SNRNP200: variants seen among roughly 807,000 people sequenced by gnomAD.
The protein encoded by SNRNP200 is U5 small nuclear ribonucleoprotein 200 kDa helicase.
In SNRNP200, 66 loss-of-function variants were observed where a neutral mutation model predicts 255.2. The observed-to-expected ratio is 0.26, with a 90% CI of 0.21 to 0.32. SNRNP200 has a LOEUF of 0.32. Among genes scored for constraint, SNRNP200 ranks in the 10% least tolerant of loss-of-function variants. The pLI is 1.00. For missense variants in SNRNP200, 1,585 were observed against 2,749.8 expected, an observed-to-expected ratio of 0.58 and a Z score of 9.47; for synonymous variants, 939 against 1,027.8, an observed-to-expected ratio of 0.91 and a Z score of 1.65.
At position 96,298,519 on chromosome 2, in the gene SNRNP200, T is replaced by C; in HGVS notation, c.982+84A>G. The C allele has an allele frequency of 6.8e-6, 11 of 1,609,478 alleles. No homozygotes were observed. The South Asian group carries it at 1.2e-4, about 18-fold the overall frequency. On this transcript the variant is annotated intron_variant, in intron 8 of 44. Coordinates refer to ENST00000323853, the MANE Select transcript of SNRNP200 (RefSeq NM_014014.5). ...AAGAAAAATAAAAGAAACAAGCACTTAGGCTGTGAAAACAACAGAATCTCT... is the reference window on the plus strand; with the variant it reads ...AAGAAAAATAAAAGAAACAAGCACTCAGGCTGTGAAAACAACAGAATCTCT...
In SNRNP200 at chr2:96,286,252, G is replaced by C; in HGVS notation, c.4003+59C>G. 6.4e-7 allele frequency: 1 copy of C among 1,568,490 alleles called. No individual in the cohort carries two copies. The highest frequency in any genetic ancestry group is 1.1e-5 in the South Asian group (1 of 89,574). ...CACCCCCACTCCCCTGCCTGCCACA[G>C]AGCACATCTGTCTCCCGGTGACTTC... On this transcript the variant is annotated intron_variant, in intron 29 of 44. Transcript: ENST00000323853. This position sits in a 1 kb window ranked among gnomAD's most constrained non-coding sequence, Gnocchi z 4.8.
At chr2:96,304,430 A>G (rs576107268) in intron 2 of SNRNP200, among the ~76,000 whole-genome samples, 215 of 152,354 alleles carry the variant, frequency 1.4e-3, no homozygotes, top group Non-Finnish European at 2.3e-3. Flanking sequence ...ACATAGGAAT[A>G]GCAAGGGTCT....
Position 96,297,486 on chromosome 2 carries a change from T to C in SNRNP200, c.1254A>G (p.Gln418=), listed in dbSNP as rs1375316664. The C allele has an allele frequency of 1.1e-5, 18 of 1,614,070 alleles. No homozygotes were observed. Among genetic ancestry groups the C allele is most frequent in the Middle Eastern group, 1.6e-4 (1 of 6,062 alleles). Residue 418 remains glutamine (Q), a synonymous_variant, in exon 11 of 45, where the codon CAA becomes CAG. Coordinates refer to ENST00000323853, the MANE Select transcript of SNRNP200 (RefSeq NM_014014.5). ...GTTTATTGGCCATAAAGTGGCTCCC[T>C]TGGGTAAAAACCAGGTCCTCCAAGT... is the stretch of plus-strand genomic sequence containing the variant. ...VLDLEDLVFT[Q]GSHFMANKRC...
rs1467611534 is a variant in SNRNP200 at position 96,274,571 on chromosome 2, TCA to T, written c.*439_*440del. On this transcript the variant is annotated 3_prime_UTR_variant, in exon 45 of 45. Coordinates refer to ENST00000323853, the MANE Select transcript of SNRNP200 (RefSeq NM_014014.5). ...CGCATGTACCCTCCTCTGGGCTGAC[TCA>T]CGAGGCTACAGGGGACAGCACACCT... 2 of 288,294 alleles carry T rather than the reference TCA, an allele frequency of 6.9e-6. No individual in the cohort carries two copies. Among genetic ancestry groups the T allele is most frequent in the African/African-American group, 4.4e-5 (2 of 45,390 alleles). 17.9% of individuals were successfully genotyped at this position (288,294 alleles called of 1,614,324 possible).
rs767497060 is a variant in SNRNP200 at position 96,297,379 on chromosome 2, G to A, written c.1361C>T (p.Pro454Leu). 7 of 1,613,678 alleles carry A rather than the reference G, an allele frequency of 4.3e-6. No individual in the cohort carries two copies. In the Admixed American group the frequency reaches 1.0e-4, roughly 23 times the overall value. Residue 454 changes from proline to leucine, a missense_variant, in exon 11 of 45, where the codon CCC becomes CTC. Coordinates refer to ENST00000323853, the MANE Select transcript of SNRNP200 (RefSeq NM_014014.5). ...TTCACTTACTTCTTCTGAGCCAAAG[G>A]GCTTGGGCTTCAGAGCAGGCACATG... ...EVHVPALKPK[P>L]FGSEEQLLPV...
rs193024367 is a variant in SNRNP200 at position 96,284,916 on chromosome 2, A to G, written c.4164+264T>C. 4.9e-4 allele frequency: 263 copies of G among 538,452 alleles called. 1 individual carries two copies. Among genetic ancestry groups the G allele is most frequent in the African/African-American group, 4.6e-3 (242 of 52,540 alleles). 33.4% of individuals were successfully genotyped at this position (538,452 alleles called of 1,614,324 possible). A position where few individuals can be genotyped will look rare whatever the true frequency, so the allele number is the denominator to read the frequency against. ...AGGCGCACACCACCACGCCCAGCTA[A>G]TTTCTGTATTTTTAGTAGAGACAGG... On this transcript the variant is annotated intron_variant, in intron 30 of 44. Coordinates refer to ENST00000323853, the MANE Select transcript of SNRNP200 (RefSeq NM_014014.5).
At chr2:96,276,837 T>C (rs563676392) in intron 43 of SNRNP200, 67 bp downstream of exon 43, 218 of 1,439,204 alleles carry the variant, frequency 1.5e-4, no homozygotes, top group Non-Finnish European at 2.0e-4. Flanking sequence ...AGTGTGCCCT[T>C]GTACCAAGCA....
chr2:96,281,712 T>C, intron 35 of SNRNP200, 102 bp downstream of exon 35: 2 of 987,000 alleles, frequency 2.0e-6, no homozygotes, highest in Non-Finnish European at 3.2e-6. Context: ...TTAACTTCCC[T>C]AACACCTTTT....
In SNRNP200 at chr2:96,286,604, G is replaced by T; in HGVS notation, c.3829+84C>A. ...TATGTATCACTCTGTCCCCAGCAAG[G>T]GCAAGCCCGGGACAAAGTGCAAGAC... is the stretch of plus-strand genomic sequence containing the variant. On this transcript the variant is annotated intron_variant, in intron 28 of 44. Coordinates refer to ENST00000323853, the MANE Select transcript of SNRNP200 (RefSeq NM_014014.5). The surrounding 1 kb of genome is among the most constrained non-coding windows in gnomAD (Gnocchi z 4.8). The T allele has an allele frequency of 6.3e-7, 1 of 1,590,340 alleles. No homozygotes were observed. The highest frequency in any genetic ancestry group is 8.6e-7 in the Non-Finnish European group (1 of 1,162,794).
In SNRNP200 at chr2:96,275,109, G is replaced by A; in HGVS notation, c.6314C>T (p.Thr2105Ile). The change falls in exon 45 of 45, where the codon ACT becomes ATT. Residue 2105 changes from threonine (T) to isoleucine (I), a missense_variant. Thr to Ile is a moderately conservative substitution (Grantham distance 89). This residue lies in a region of SNRNP200 where 279 missense variants were observed against 551.2 expected (regional missense o/e 0.51). Coordinates refer to ENST00000323853, the MANE Select transcript of SNRNP200 (RefSeq NM_014014.5). The stretch of plus-strand genomic sequence containing the variant: ...GTAAGCGTCACTCATGAAGTACAGA[G>A]TGTAGTTGTGGGCACCAGTGGCTGG... ...VAPATGAHNY[T>I]LYFMSDAYMG... 6.2e-7 allele frequency: 1 copy of A among 1,614,256 alleles called. No individual in the cohort carries two copies. The highest frequency in any genetic ancestry group is 8.5e-7 in the Non-Finnish European group (1 of 1,180,050).
chr2:96,288,764 C>T lies in SNRNP200; in HGVS notation c.3175-18G>A, dbSNP rs748856131. The stretch of plus-strand genomic sequence containing the variant: ...ACGTTGATCTGTAAAGAAGCAAAAT[C>T]AGCCAGCAGGAGACCAATCACTGAA... On this transcript the variant is annotated intron_variant, in intron 23 of 44. Transcript: ENST00000323853. 6.2e-7 allele frequency: 1 copy of T among 1,609,220 alleles called. No individual in the cohort carries two copies. Among genetic ancestry groups the T allele is most frequent in the South Asian group, 1.1e-5 (1 of 90,962 alleles).
intron 13 of SNRNP200, among the ~76,000 whole-genome samples, chr2:96,296,294 G>T (rs2063916275): frequency 6.6e-6 from 1 of 152,198 alleles, no homozygotes; most frequent in African/African-American, 2.4e-5. Context: ...AAATTGCCAT[G>T]GAGAGGATGA....
rs747352527 is a variant in SNRNP200 at position 96,281,799 on chromosome 2, A to C, written c.5024+15T>G. 6 of 1,569,540 alleles carry C rather than the reference A, an allele frequency of 3.8e-6. No homozygotes were observed. The African/African-American group carries it at 8.1e-5, about 21-fold the overall frequency. ...AAGGAGGTCTGTGCTAACACAGAGCACCAGTTGTACTCACGCGTGGATCTT... is the reference window on the plus strand; with the variant it reads ...AAGGAGGTCTGTGCTAACACAGAGCCCCAGTTGTACTCACGCGTGGATCTT... On this transcript the variant is annotated intron_variant, in intron 35 of 44. Transcript: ENST00000323853.
chr2:96,295,780 G>T, intron 13 of SNRNP200, 122 bp from the exon 14 acceptor site: 1 of 970,684 alleles, frequency 1.0e-6, no homozygotes, highest in Non-Finnish European at 1.6e-6. Flanking sequence ...GTGAATACAA[G>T]GCGAATCAGA....
chr2:96,296,804 C>G, intron 12 of SNRNP200, 113 bp from the exon 13 acceptor site: 2 of 1,545,892 alleles, frequency 1.3e-6, no homozygotes, highest in Non-Finnish European at 1.8e-6. Flanking sequence ...GGCACTTTAT[C>G]CTACTATTTA....
Position 96,278,379 on chromosome 2 carries a change from G to T in SNRNP200, c.5489-21C>A. 1 of 1,613,972 alleles carries T rather than the reference G, an allele frequency of 6.2e-7. No homozygotes were observed. Among genetic ancestry groups the T allele is most frequent in the South Asian group, 1.1e-5 (1 of 91,038 alleles). ...GAGCTCTGACAGAAAAAGGAAATGT[G>T]AGAGAAGCTAAAACCAGGCAGAGAA... On this transcript the variant is annotated intron_variant, in intron 38 of 44. Coordinates refer to ENST00000323853, the MANE Select transcript of SNRNP200 (RefSeq NM_014014.5). This position sits in a 1 kb window ranked among gnomAD's most constrained non-coding sequence, Gnocchi z 6.9.
At position 96,279,027 on chromosome 2, in the gene SNRNP200, TAAAG is replaced by T. The variant is rs1684716581; in HGVS notation, c.5134-33_5134-30del. On this transcript the variant is annotated intron_variant, in intron 36 of 44. Coordinates refer to ENST00000323853, the MANE Select transcript of SNRNP200 (RefSeq NM_014014.5). ...TGGGTTGGAGAGGGAGAAGGAGTAA[TAAAG>T]AATTAGTGACAACACGGTCACAGAG... The T allele has an allele frequency of 3.2e-6, 5 of 1,584,498 alleles. No individual in the cohort carries two copies. In the East Asian group the frequency reaches 1.1e-4, roughly 35 times the overall value.
At position 96,291,874 on chromosome 2, in the gene SNRNP200, C is replaced by T; in HGVS notation, c.2187G>A (p.Lys729=). The T allele has an allele frequency of 6.2e-7, 1 of 1,614,178 alleles. No individual in the cohort carries two copies. Among genetic ancestry groups the T allele is most frequent in the Middle Eastern group, 1.6e-4 (1 of 6,062 alleles). Reference sequence around the variant, plus strand: ...TGGCCCTGGCTGTCTTTCCAGTCTCCTTCCGGGAGTGGACAAACACCAGCA... The same window carrying T: ...TGGCCCTGGCTGTCTTTCCAGTCTCTTTCCGGGAGTGGACAAACACCAGCA... ...NQVLVFVHSR[K]ETGKTARAIR... is the part of the protein sequence containing the mutation. Residue 729 remains lysine (K), a synonymous_variant, in exon 17 of 45, where the codon AAG becomes AAA. Transcript: ENST00000323853. This position sits in a 1 kb window ranked among gnomAD's most constrained non-coding sequence, Gnocchi z 4.2.
At chr2:96,279,612 G>A in intron 35 of SNRNP200, 53 bp from the exon 36 acceptor site, 1 of 1,195,844 alleles carries the variant, frequency 8.4e-7, no homozygotes, top group East Asian at 2.4e-5. Context: ...CGGAGACCAT[G>A]CTCAGGAAGC....
Sources: gnomAD v4.1 joint callset for allele counts (sites outside exome capture counted in the v4.1 genomes callset) on GRCh38, gnomAD v4.1.1 for gene constraint, gnomAD v4.1.1 regional missense constraint, Gnocchi (gnomAD v3.1) non-coding constraint, MANE v1.5 for transcripts, NCBI Gene and HGNC (gene_info 2026-07-23, HGNC 2026-07-21) for gene names.